CHL1: variants seen among roughly 807,000 people sequenced by gnomAD.
CHL1 encodes cell adhesion molecule L1 like, also known as neural cell adhesion molecule L1-like protein.
CHL1 carries 96 observed loss-of-function variants against 141.9 expected under a neutral mutation model. The ratio of observed to expected loss-of-function variants is 0.68; its 90% confidence interval spans 0.57 to 0.80. The LOEUF is 0.80. CHL1 is among the 30% of genes least tolerant of loss of function. CHL1 has a pLI of 0.00. For missense variants in CHL1, 1,820 were observed against 1,457.2 expected (o/e 1.25, Z -4.05); for synonymous variants, 613 against 502.2 (o/e 1.22, Z -2.95).
intron 1 of CHL1, among the ~76,000 whole-genome samples, chr3:238,417 G>GA (rs966537220): frequency 8.2e-5 from 9 of 109,502 alleles, no homozygotes; most frequent in Admixed American, 5.0e-4. Flanking sequence ...TTTTTTAAAG[G>GA]AAAAAAAATA....
At chr3:264,556 G>A (rs1695003438) in intron 2 of CHL1, among the ~76,000 whole-genome samples, 1 of 152,142 alleles carries the variant, frequency 6.6e-6, no homozygotes, top group Admixed American at 6.6e-5. Flanking sequence ...GATATATATT[G>A]TGGACCTACT....
chr3:281,779 T>C (rs1574950064), intron 2 of CHL1, among the ~76,000 whole-genome samples: 1 of 152,074 alleles, frequency 6.6e-6, no homozygotes, highest in Admixed American at 6.6e-5. Flanking sequence ...AGGCTGGTCA[T>C]GAACTCCTGG....
rs576833487 is a variant in CHL1 at position 394,945 on chromosome 3, A to C, written c.3094+73A>C. The C allele has an allele frequency of 3.6e-4, 446 of 1,235,388 alleles. 3 individuals carry two copies. The highest frequency in any genetic ancestry group is 2.7e-3 in the South Asian group (170 of 62,930). 76.5% of individuals were successfully genotyped at this position (1,235,388 alleles called of 1,614,324 possible). On this transcript the variant is annotated intron_variant, in intron 24 of 27. Coordinates refer to ENST00000256509, the MANE Select transcript of CHL1 (RefSeq NM_006614.4). ...TGCATCTTTTTAAACAGCTGCACTG[A>C]AAGGAAAGCACCGTGCCAGTCATTG...
intron 1 of CHL1, among the ~76,000 whole-genome samples, chr3:207,254 C>G (rs1283280926): frequency 1.3e-5 from 2 of 152,108 alleles, no homozygotes; most frequent in Admixed American, 6.6e-5. Flanking sequence ...TTTTTGTGTA[C>G]TAGAAAGTGG....
chr3:296,920 A>C (rs1478468561), intron 2 of CHL1, among the ~76,000 whole-genome samples: 1 of 152,152 alleles, frequency 6.6e-6, no homozygotes, highest in Non-Finnish European at 1.5e-5. Context: ...GAGAGATAGG[A>C]AGAGTGGGAG....
intron 15 of CHL1, 68 bp from the exon 16 acceptor site, chr3:377,750 A>G: frequency 7.3e-7 from 1 of 1,377,074 alleles, no homozygotes; most frequent in Non-Finnish European, 1.0e-6. Flanking sequence ...ATGCATTTTT[A>G]AAAGAATTGG....
At chr3:342,549 TG>T (rs1023052994) in intron 7 of CHL1, among the ~76,000 whole-genome samples, 48 of 152,200 alleles carry the variant, frequency 3.2e-4, no homozygotes, top group African/African-American at 1.1e-3. Context: ...GGTTCCCAAA[TG>T]GGAAGAGTAA....
At chr3:220,738 C>A (rs927018403) in intron 1 of CHL1, among the ~76,000 whole-genome samples, 2 of 152,158 alleles carry the variant, frequency 1.3e-5, no homozygotes, top group Admixed American at 6.5e-5. Flanking sequence ...TAGACTACAA[C>A]AATGAAAATA....
At chr3:197,950 G>A (rs1264030188) in intron 1 of CHL1, 2 of 375,286 alleles carry the variant, frequency 5.3e-6, no homozygotes, top group Non-Finnish European at 1.1e-5. Flanking sequence ...AGCAGGGATT[G>A]GAGCCGGGAG....
intron 2 of CHL1, among the ~76,000 whole-genome samples, chr3:312,518 C>G (rs750257446): frequency 7.9e-5 from 12 of 152,172 alleles, no homozygotes; most frequent in Non-Finnish European, 1.3e-4. Context: ...ATGTGTTTAT[C>G]CTTCTCAGCT....
chr3:202,735 C>T (rs1213859266), intron 1 of CHL1, among the ~76,000 whole-genome samples: 1 of 152,244 alleles, frequency 6.6e-6, no homozygotes, highest in African/African-American at 2.4e-5. Context: ...AAAAAATGCT[C>T]TGGCAAACTT....
intron 2 of CHL1, among the ~76,000 whole-genome samples, chr3:279,806 T>C (rs749374967): frequency 1.3e-5 from 2 of 152,122 alleles, no homozygotes; most frequent in Non-Finnish European, 2.9e-5. Context: ...GAAGTAGGGA[T>C]TGGGGACTTA....
chr3:204,939 A>G (rs1424338031), intron 1 of CHL1, among the ~76,000 whole-genome samples: 2 of 152,220 alleles, frequency 1.3e-5, no homozygotes, highest in Admixed American at 1.3e-4. Context: ...TATAGATGAA[A>G]AAAACTAATG....
chr3:237,234 C>A (rs933490315), intron 1 of CHL1, among the ~76,000 whole-genome samples: 2 of 152,152 alleles, frequency 1.3e-5, no homozygotes, highest in Non-Finnish European at 2.9e-5. Context: ...CTCACAAGAT[C>A]TGATGGTTTA....
At chr3:372,172 G>A (rs772052447) in intron 15 of CHL1, among the ~76,000 whole-genome samples, 1 of 152,186 alleles carries the variant, frequency 6.6e-6, no homozygotes, top group African/African-American at 2.4e-5. Flanking sequence ...GGTTTGGGAA[G>A]TTCTCCTGGA....
chr3:326,289 A>G (rs1701009037), intron 4 of CHL1, among the ~76,000 whole-genome samples: 1 of 152,162 alleles, frequency 6.6e-6, no homozygotes, highest in East Asian at 1.9e-4. Flanking sequence ...GCTGTTATTA[A>G]AATACTTAGA....
chr3:200,325 G>A (rs1329893209), intron 1 of CHL1, among the ~76,000 whole-genome samples: 1 of 152,132 alleles, frequency 6.6e-6, no homozygotes, highest in African/African-American at 2.4e-5. Context: ...ATGACAGATT[G>A]GGAGGTGTTG....
chr3:403,944 T>A (rs1212958830), intron 27 of CHL1, among the ~76,000 whole-genome samples: 3 of 152,240 alleles, frequency 2.0e-5, no homozygotes, highest in Non-Finnish European at 4.4e-5. Context: ...TCATTGTTTT[T>A]CTTGATTTGT....
At chr3:355,517 GGAA>G (rs750345044) in intron 11 of CHL1, among the ~76,000 whole-genome samples, 1 of 152,154 alleles carries the variant, frequency 6.6e-6, no homozygotes, top group Non-Finnish European at 1.5e-5. Context: ...TCCTTGTTCA[GGAA>G]GAAGGATAGA....
Sources: gnomAD v4.1 joint callset for allele counts (sites outside exome capture counted in the v4.1 genomes callset) on GRCh38, gnomAD v4.1.1 for gene constraint, MANE v1.5 for transcripts, NCBI Gene and HGNC (gene_info 2026-07-23, HGNC 2026-07-21) for gene names.